Variants in KLHL40 observed in about 807,000 individuals in gnomAD.
The protein encoded by KLHL40 is kelch like family member 40, also known as kelch-like protein 40.
In KLHL40, 44 loss-of-function variants were observed where a neutral mutation model predicts 49.7. That is an observed-to-expected ratio of 0.89 (90% CI 0.70 to 1.14). The LOEUF (loss-of-function observed/expected upper bound fraction) is 1.14, where lower values mean the gene tolerates loss of function less well. Ranked by LOEUF, KLHL40 falls within the 50% of genes most tolerant of loss-of-function variation. KLHL40 has a pLI of 0.00. For missense variants in KLHL40, 892 were observed against 850.3 expected, an observed-to-expected ratio of 1.05 and a Z score of -0.61; for synonymous variants, 409 against 365.2, an observed-to-expected ratio of 1.12 and a Z score of -1.37.
chr3:42,691,867 C>G lies in KLHL40; in HGVS notation c.1755-15C>G, dbSNP rs745306926. On this transcript the variant is annotated splice_polypyrimidine_tract_variant and intron_variant, in intron 5 of 5. Coordinates refer to ENST00000287777, the MANE Select transcript of KLHL40 (RefSeq NM_152393.4). ...CAAGCTCTCCATCCTTGTCCCCACTCTCTCTCATCCCCAGGTATAACGAGG... is the reference window on the plus strand; with the variant it reads ...CAAGCTCTCCATCCTTGTCCCCACTGTCTCTCATCCCCAGGTATAACGAGG... 2 of 1,541,158 alleles carry G rather than the reference C, an allele frequency of 1.3e-6. No homozygotes were observed. Among genetic ancestry groups the G allele is most frequent in the African/African-American group, 2.7e-5 (2 of 73,534 alleles).
intron 5 of KLHL40, among the ~76,000 whole-genome samples, chr3:42,691,340 T>C (rs1697363346): frequency 6.6e-6 from 1 of 152,074 alleles, no homozygotes. Flanking sequence ...TTCCGGGTGC[T>C]TGGTCTGGAG....
intron 4 of KLHL40, 51 bp downstream of exon 4, chr3:42,689,105 C>A: frequency 6.6e-7 from 1 of 1,513,732 alleles, no homozygotes; most frequent in Non-Finnish European, 9.0e-7. Flanking sequence ...CTTTGGGCTT[C>A]TGTCAGCCCC....
At chr3:42,687,785 G>A (rs1408767350) in intron 1 of KLHL40, among the ~76,000 whole-genome samples, 2 of 152,134 alleles carry the variant, frequency 1.3e-5, no homozygotes, top group African/African-American at 4.8e-5. Flanking sequence ...GAAGTTTCCT[G>A]AACAGTGGGA....
chr3:42,690,338 C>T (rs558112660), intron 4 of KLHL40, among the ~76,000 whole-genome samples: 10 of 152,144 alleles, frequency 6.6e-5, no homozygotes, highest in Non-Finnish European at 8.8e-5. Flanking sequence ...GACCTCAGTG[C>T]GTGTGCAGTG....
Position 42,686,599 on chromosome 3 carries a change from C to A in KLHL40, c.981C>A (p.Gly327=), listed in dbSNP as rs1251409080. The part of the protein sequence containing the change: ...QDLIFMISEE[G]AVAYDPAANE... ...TCATCTTCATGATCAGTGAGGAGGG[C>A]GCTGTGGCCTACGATCCAGCAGCCA... Residue 327 remains glycine, a synonymous_variant, in exon 1 of 6, where the codon GGC becomes GGA. Coordinates refer to ENST00000287777, the MANE Select transcript of KLHL40 (RefSeq NM_152393.4). The A allele has an allele frequency of 1.9e-6, 3 of 1,613,952 alleles. No individual in the cohort carries two copies. Among genetic ancestry groups the A allele is most frequent in the Admixed American group, 1.7e-5 (1 of 59,992 alleles).
rs9872183 is a variant in KLHL40, at chr3:42,688,240, C to G, written c.1251C>G (p.Val417=). The G allele has an allele frequency of 1.9e-3, 3,113 of 1,613,946 alleles. 58 individuals are homozygous for G. In the African/African-American group the frequency reaches 0.037, roughly 19 times the overall value. The change falls in exon 2 of 6, where the codon GTC becomes GTG. Residue 417 remains valine, a synonymous_variant. Transcript: ENST00000287777. The surrounding 1 kb of genome is among the most constrained non-coding windows in gnomAD (Gnocchi z 4.2). The part of the protein sequence containing the change: ...LGEALNSIYV[V]GGREIKDGER... Reference sequence around the variant, plus strand: ...AAGCTCTCAACTCCATCTACGTGGTCGGTGGCAGAGAGATCAAGGACGGCG... The same window carrying G: ...AAGCTCTCAACTCCATCTACGTGGTGGGTGGCAGAGAGATCAAGGACGGCG...
rs1697384845 is a variant in KLHL40, at chr3:42,692,234, C to T, written c.*241C>T. On this transcript the variant is annotated 3_prime_UTR_variant, in exon 6 of 6. Coordinates refer to ENST00000287777, the MANE Select transcript of KLHL40 (RefSeq NM_152393.4). ...CATATCCCCCTAGGTTGTCTTGATC[C>T]ATGAACCAGAACCACAGGGCGGTAT... 3.0e-5 allele frequency: 16 copies of T among 529,912 alleles called. No individual in the cohort carries two copies. In the South Asian group the frequency reaches 4.0e-4, roughly 13 times the overall value. 32.8% of individuals were successfully genotyped at this position (529,912 alleles called of 1,614,324 possible). A position where few individuals can be genotyped will look rare whatever the true frequency, so the allele number is the denominator to read the frequency against.
chr3:42,690,820 C>T (rs192287796), intron 4 of KLHL40, 39 bp from the exon 5 acceptor site: 76 of 1,548,662 alleles, frequency 4.9e-5, no homozygotes, highest in African/African-American at 3.4e-4. Flanking sequence ...CTGGGCTTGC[C>T]GAGGCATCCC....
chr3:42,686,414 A>G lies in KLHL40; in HGVS notation c.796A>G (p.Thr266Ala). 6.2e-7 allele frequency: 1 copy of G among 1,613,728 alleles called. No homozygotes were observed. Among genetic ancestry groups the G allele is most frequent in the Non-Finnish European group, 8.5e-7 (1 of 1,180,000 alleles). Residue 266 changes from threonine to alanine, a missense_variant, in exon 1 of 6, where the codon ACC (threonine) becomes GCC (alanine). By Grantham distance (58) the Thr-to-Ala change is moderately conservative. Coordinates refer to ENST00000287777, the MANE Select transcript of KLHL40 (RefSeq NM_152393.4). ...GAAGGATGCACACGAGGGCCGCATC[A>G]CCACGCTGCGGAAGAAAAAGAAGGG... ...MVKDAHEGRI[T>A]TLRKKKKGKD...
At position 42,691,290 on chromosome 3, in the gene KLHL40, A is replaced by G. The variant is rs140870522; in HGVS notation, c.1754+285A>G. ...AAGCTTAGGTCATAGACTCACAGAA[A>G]CAGGGCCCAAATAGCAGCCGGATTT... On this transcript the variant is annotated intron_variant, in intron 5 of 5. Transcript: ENST00000287777. Among the ~76,000 whole-genome samples the G allele has an allele frequency of 6.6e-3, 999 of 152,256 alleles. 8 individuals carry two copies. Among genetic ancestry groups the G allele is most frequent in the African/African-American group, 0.023 (952 of 41,532 alleles).
intron 4 of KLHL40, among the ~76,000 whole-genome samples, chr3:42,690,239 G>A (rs1011532757): frequency 6.6e-6 from 1 of 152,158 alleles, no homozygotes; most frequent in Non-Finnish European, 1.5e-5. Flanking sequence ...TGATGGTGGA[G>A]GCAGCTGCAT....
In KLHL40 at chr3:42,692,103, T is replaced by A. The variant is rs990023379; in HGVS notation, c.*110T>A. The A allele has an allele frequency of 5.6e-6, 4 of 709,610 alleles. No homozygotes were observed. In the South Asian group the frequency reaches 6.4e-5, roughly 11 times the overall value. 44.0% of individuals were successfully genotyped at this position (709,610 alleles called of 1,614,324 possible). On this transcript the variant is annotated 3_prime_UTR_variant, in exon 6 of 6. Transcript: ENST00000287777. ...TAGGAGAGGCCAGAGTCTACCTGGA[T>A]CCAGTTATGGTGCCTCAGGGGCTGC... is the stretch of plus-strand genomic sequence containing the variant.
intron 4 of KLHL40, 90 bp downstream of exon 4, chr3:42,689,144 C>T: frequency 8.7e-6 from 10 of 1,152,036 alleles, no homozygotes; most frequent in South Asian, 1.5e-5. Flanking sequence ...TGTCTTGGGT[C>T]TCCAGTGTTG....
rs905592141 is a variant in KLHL40, at chr3:42,686,944, A to G, written c.1152+174A>G. 2.0e-5 allele frequency among the ~76,000 whole-genome samples: 3 copies of G among 152,258 alleles called. No homozygotes were observed. The South Asian group carries it at 6.2e-4, about 32-fold the overall frequency. On this transcript the variant is annotated intron_variant, in intron 1 of 5. Coordinates refer to ENST00000287777, the MANE Select transcript of KLHL40 (RefSeq NM_152393.4). ...CCTACTTGAAGGTTGAAGACAGTCA[A>G]TAGGCAGCTGCCAAAAAGCAGCATA...
chr3:42,689,422 G>A (rs1420858059), intron 4 of KLHL40, among the ~76,000 whole-genome samples: 2 of 152,180 alleles, frequency 1.3e-5, no homozygotes, highest in African/African-American at 4.8e-5. Flanking sequence ...CGCAAAAGGG[G>A]TGAGGGTGGT....
Position 42,691,732 on chromosome 3 carries a change from G to A in KLHL40, c.1755-150G>A. The A allele has an allele frequency of 1.8e-5, 11 of 627,208 alleles. No individual in the cohort carries two copies. In the South Asian group the frequency reaches 1.8e-4, roughly 10 times the overall value. 38.9% of individuals were successfully genotyped at this position (627,208 alleles called of 1,614,324 possible). A position where few individuals can be genotyped will look rare whatever the true frequency, so the allele number is the denominator to read the frequency against. On this transcript the variant is annotated intron_variant, in intron 5 of 5. Transcript: ENST00000287777. Reference sequence around the variant, plus strand: ...TGTTCCTTGGGGTGGGTCTTGTGGGGGGTCTCCTTTCCCAGAGCCTGGGGA... The same window carrying A: ...TGTTCCTTGGGGTGGGTCTTGTGGGAGGTCTCCTTTCCCAGAGCCTGGGGA...
At chr3:42,690,736 G>A in intron 4 of KLHL40, 123 bp from the exon 5 acceptor site, 1 of 985,692 alleles carries the variant, frequency 1.0e-6, no homozygotes, top group South Asian at 1.7e-5. Flanking sequence ...TGGGGTTGGG[G>A]GCATGGGTGC....
Position 42,685,731 on chromosome 3 carries a change from G to C in KLHL40, c.113G>C (p.Arg38Pro), listed in dbSNP as rs1697259500. ...GGCAAGTTCCTCGACTGTGTGGTGC[G>C]GGCGGGCGAGCGCGAGTTCCCGTGC... is the stretch of plus-strand genomic sequence containing the variant. ...DHGKFLDCVV[R>P]AGEREFPCHR... Residue 38 changes from arginine to proline, a missense_variant, in exon 1 of 6, where the codon CGG becomes CCG. By Grantham distance (103) the Arg-to-Pro change is moderately radical. Coordinates refer to ENST00000287777, the MANE Select transcript of KLHL40 (RefSeq NM_152393.4). 1 of 1,612,864 alleles carries C rather than the reference G, an allele frequency of 6.2e-7. No homozygotes were observed. The highest frequency in any genetic ancestry group is 8.5e-7 in the Non-Finnish European group (1 of 1,179,800).
rs564285157 is a variant in KLHL40, at chr3:42,688,371, G to A, written c.1313+69G>A. On this transcript the variant is annotated intron_variant, in intron 2 of 5. Coordinates refer to ENST00000287777, the MANE Select transcript of KLHL40 (RefSeq NM_152393.4). This position sits in a 1 kb window ranked among gnomAD's most constrained non-coding sequence, Gnocchi z 4.2. ...GGGCATGGAGGCCGCAGCTGGTCTAGGGCCTGGGGTGGGATTTGGAGCTAG... is the reference window on the plus strand; with the variant it reads ...GGGCATGGAGGCCGCAGCTGGTCTAAGGCCTGGGGTGGGATTTGGAGCTAG... 4.6e-5 allele frequency: 72 copies of A among 1,549,482 alleles called. No individual in the cohort carries two copies. The highest frequency in any genetic ancestry group is 8.5e-5 in the Admixed American group (5 of 59,086).
Sources: gnomAD v4.1 joint callset for allele counts (sites outside exome capture counted in the v4.1 genomes callset) on GRCh38, gnomAD v4.1.1 for gene constraint, Gnocchi (gnomAD v3.1) non-coding constraint, MANE v1.5 for transcripts, NCBI Gene and HGNC (gene_info 2026-07-23, HGNC 2026-07-21) for gene names.